SLC26A7: variants seen among roughly 807,000 people sequenced by gnomAD.
SLC26A7 encodes solute carrier family 26 member 7, also known as anion exchange transporter.
Under a neutral mutation model 82.5 loss-of-function variants are expected in SLC26A7, and 59 were observed. The observed-to-expected ratio is 0.72, with a 90% CI of 0.58 to 0.89. The LOEUF (loss-of-function observed/expected upper bound fraction) is 0.89. Among genes scored for constraint, SLC26A7 ranks in the 40% least tolerant of loss-of-function variants. The pLI is 0.00. For missense variants in SLC26A7, 820 were observed against 793.0 expected (o/e 1.03, Z -0.41); for synonymous variants, 271 against 274.3 (o/e 0.99, Z 0.12).
chr8:91,295,977 G>A (rs890823656), intron 4 of SLC26A7, among the ~76,000 whole-genome samples: 1 of 152,188 alleles, frequency 6.6e-6, no homozygotes, highest in Non-Finnish European at 1.5e-5. Flanking sequence ...AATGGAATGA[G>A]CTTCCTTGTA....
chr8:91,313,483 AG>A (rs1342794611), intron 4 of SLC26A7, among the ~76,000 whole-genome samples: 11 of 152,146 alleles, frequency 7.2e-5, no homozygotes, highest in African/African-American at 2.7e-4. Flanking sequence ...ATCTCTGAAC[AG>A]CACTAAATTG....
At chr8:91,281,747 G>A (rs551604114) in intron 2 of SLC26A7, among the ~76,000 whole-genome samples, 5 of 152,028 alleles carry the variant, frequency 3.3e-5, no homozygotes, top group South Asian at 2.1e-4. Flanking sequence ...TCCCACTCTC[G>A]GGCCATTGGT....
At chr8:91,256,432 A>G (rs563335339) in intron 2 of SLC26A7, among the ~76,000 whole-genome samples, 1 of 152,214 alleles carries the variant, frequency 6.6e-6, no homozygotes, top group South Asian at 2.1e-4. Context: ...GGGGCCAGCT[A>G]TTTATTATTA....
intron 2 of SLC26A7, among the ~76,000 whole-genome samples, chr8:91,264,748 A>AT (rs796982164): frequency 6.6e-5 from 10 of 151,580 alleles, no homozygotes; most frequent in Admixed American, 2.0e-4. Flanking sequence ...CTTGCCAAAA[A>AT]TTTTTTTTTG....
intron 15 of SLC26A7, among the ~76,000 whole-genome samples, chr8:91,378,901 A>G (rs1294479645): frequency 6.6e-6 from 1 of 152,126 alleles, no homozygotes; most frequent in African/African-American, 2.4e-5. Context: ...TCATTCACAC[A>G]TGAAATAATT....
At chr8:91,221,518 G>A (rs1345443422) in intron 2 of SLC26A7, among the ~76,000 whole-genome samples, 1 of 152,162 alleles carries the variant, frequency 6.6e-6, no homozygotes, top group Non-Finnish European at 1.5e-5. Context: ...CTTACATTAA[G>A]TCTTTAATCC....
intron 2 of SLC26A7, among the ~76,000 whole-genome samples, chr8:91,240,295 A>G (rs1327802681): frequency 6.6e-6 from 1 of 152,160 alleles, no homozygotes; most frequent in Non-Finnish European, 1.5e-5. Flanking sequence ...TAATATAGTG[A>G]ATATGGTACA....
At chr8:91,218,199 C>T (rs1810089877) in intron 1 of SLC26A7, among the ~76,000 whole-genome samples, 1 of 152,122 alleles carries the variant, frequency 6.6e-6, no homozygotes, top group African/African-American at 2.4e-5. Context: ...TTGTGGAAAT[C>T]TTTTGGATTC....
chr8:91,325,453 T>C (rs1056105191), intron 5 of SLC26A7, among the ~76,000 whole-genome samples: 1 of 152,180 alleles, frequency 6.6e-6, no homozygotes, highest in Non-Finnish European at 1.5e-5. Context: ...ACTGTATAGA[T>C]ACAGGTAGGC....
chr8:91,394,917 C>G, intron 18 of SLC26A7, 145 bp from the exon 19 acceptor site: 3 of 928,680 alleles, frequency 3.2e-6, no homozygotes, highest in Non-Finnish European at 4.8e-6. Flanking sequence ...GAGCTTTGAA[C>G]TGCTCTACTC....
intron 11 of SLC26A7, among the ~76,000 whole-genome samples, chr8:91,360,303 T>A (rs1359653095): frequency 6.6e-6 from 1 of 152,132 alleles, no homozygotes; most frequent in Non-Finnish European, 1.5e-5. Context: ...ACACTGGGGT[T>A]AGTTTGTGTT....
intron 2 of SLC26A7, among the ~76,000 whole-genome samples, chr8:91,288,324 C>A (rs1471598423): frequency 6.6e-6 from 1 of 152,066 alleles, no homozygotes; most frequent in Non-Finnish European, 1.5e-5. Flanking sequence ...TTTGTCGTTC[C>A]AAGGATCAGC....
At chr8:91,280,014 A>G (rs1445049448) in intron 2 of SLC26A7, among the ~76,000 whole-genome samples, 1 of 152,118 alleles carries the variant, frequency 6.6e-6, no homozygotes, top group African/African-American at 2.4e-5. Context: ...TTAACCTCTC[A>G]TTCGATGTAT....
At chr8:91,394,714 A>G in intron 18 of SLC26A7, 1 of 1,107,678 alleles carries the variant, frequency 9.0e-7, no homozygotes, top group African/African-American at 1.6e-5. Flanking sequence ...TCTAACATAT[A>G]TTGAGTGCCC....
intron 6 of SLC26A7, among the ~76,000 whole-genome samples, chr8:91,336,198 A>AGAGCTCC (rs1420478346): frequency 2.0e-5 from 3 of 152,162 alleles, no homozygotes; most frequent in African/African-American, 7.2e-5. Context: ...CTACTCCCAC[A>AGAGCTCC]GAGCTCCCTT....
chr8:91,263,965 C>A (rs1165712014), intron 2 of SLC26A7, among the ~76,000 whole-genome samples: 2 of 150,478 alleles, frequency 1.3e-5, no homozygotes, highest in Non-Finnish European at 3.0e-5. Context: ...ATTATCATTC[C>A]ATTTTTTTTT....
At chr8:91,301,096 C>T (rs761711061) in intron 4 of SLC26A7, among the ~76,000 whole-genome samples, 21 of 152,164 alleles carry the variant, frequency 1.4e-4, no homozygotes, top group Non-Finnish European at 2.9e-4. Context: ...TCCAGTTGGT[C>T]ACGGTCTATT....
At chr8:91,213,238 G>A (rs374794365) in intron 1 of SLC26A7, among the ~76,000 whole-genome samples, 186 of 152,150 alleles carry the variant, frequency 1.2e-3, no homozygotes, top group African/African-American at 4.2e-3. Context: ...TTTCTTTGTC[G>A]TTTCTGTTCT....
rs1811602574 is a variant in SLC26A7 at position 91,282,554 on chromosome 8, T to C, written c.194-6582T>C. On this transcript the variant is annotated intron_variant, in intron 2 of 18. Transcript: ENST00000276609. ...GGATTTCCTCTGGCACCAAAGAGAA[T>C]GCAGCTAAGCACTTGTGATTGTGGC... is the stretch of plus-strand genomic sequence containing the variant. Among the ~76,000 whole-genome samples the C allele has an allele frequency of 2.0e-5, 3 of 152,322 alleles. No homozygotes were observed. The South Asian group carries it at 6.2e-4, about 32-fold the overall frequency.
Sources: allele counts gnomAD v4.1 joint callset (sites outside exome capture counted in the v4.1 genomes callset), GRCh38; gene constraint gnomAD v4.1.1; transcripts MANE v1.5; gene names NCBI Gene and HGNC (gene_info 2026-07-23, HGNC 2026-07-21).